Variants in ARHGEF4 observed in about 807,000 individuals in gnomAD.
ARHGEF4 encodes the protein Rho guanine nucleotide exchange factor 4.
A neutral mutation model predicts 162.0 loss-of-function variants in ARHGEF4; 119 were observed. The observed-to-expected ratio is 0.73, with a 90% CI of 0.63 to 0.86. The LOEUF (loss-of-function observed/expected upper bound fraction) is 0.86, where lower values mean the gene tolerates loss of function less well. Ranked by LOEUF, ARHGEF4 falls within the 40% of genes least tolerant of loss-of-function variation. The probability of loss-of-function intolerance (pLI) is 0.00; values close to 1 mark genes in which losing one functional copy is unlikely to be tolerated. For missense variants in ARHGEF4, 2,488 were observed against 2,456.0 expected (o/e 1.01, Z -0.28); for synonymous variants, 1,014 against 979.9 (o/e 1.03, Z -0.65).
chr2:130,956,515 G>T (rs1684281499), intron 4 of ARHGEF4, among the ~76,000 whole-genome samples: 1 of 150,852 alleles, frequency 6.6e-6, no homozygotes, highest in Admixed American at 6.6e-5. Flanking sequence ...AAAGACACAT[G>T]CACACGTATG....
intron 1 of ARHGEF4, among the ~76,000 whole-genome samples, chr2:130,872,559 C>T (rs935075696): frequency 6.6e-5 from 10 of 152,294 alleles, no homozygotes; most frequent in East Asian, 5.8e-4. Context: ...GTCCCGTCCC[C>T]GTGACCACTG....
chr2:130,989,687 CCTGT>C (rs1686810717), intron 4 of ARHGEF4, among the ~76,000 whole-genome samples: 1 of 152,168 alleles, frequency 6.6e-6, no homozygotes, highest in South Asian at 2.1e-4. Context: ...CTGGGATCAC[CCTGT>C]AGCCTCCCTT....
intron 4 of ARHGEF4, among the ~76,000 whole-genome samples, chr2:130,977,640 TGTTTTGC>T (rs1685838485): frequency 6.6e-6 from 1 of 151,998 alleles, no homozygotes; most frequent in Admixed American, 6.6e-5. Context: ...GTGTGTTTTG[TGTTTTGC>T]ATGTGTCGTG....
chr2:130,946,583 T>A lies in ARHGEF4; in HGVS notation c.3933T>A (p.Ser1311Arg). 1 of 1,613,986 alleles carries A rather than the reference T, an allele frequency of 6.2e-7. No homozygotes were observed. Among genetic ancestry groups the A allele is most frequent in the Non-Finnish European group, 8.5e-7 (1 of 1,179,950 alleles). ...LPRRSHPLSQSAPTGLNHMGW... is the reference protein window; with the variant it reads ...LPRRSHPLSQRAPTGLNHMGW... ...GAAGAAGCCATCCACTCTCCCAGAG[T>A]GCTCCAACGGGACTGAACCACATGG... The change falls in exon 4 of 14, where the codon AGT becomes AGA. Residue 1311 changes from serine (S) to arginine (R), a missense_variant. Ser to Arg is a moderately radical substitution (Grantham distance 110, BLOSUM62 -1). Coordinates refer to ENST00000409359, the MANE Select transcript of ARHGEF4 (RefSeq NM_001367493.1).
intron 3 of ARHGEF4, among the ~76,000 whole-genome samples, chr2:130,936,887 CTTTTTTTTTTCTTTTTTCTTTTTT>C (rs2105120880): frequency 7.4e-6 from 1 of 136,030 alleles, no homozygotes; most frequent in African/African-American, 2.8e-5. Context: ...CTCTTTCTTT[CTTTTTTTTTTCTTTTTTCTTTTTT>C]TTTTTTTTTT....
chr2:130,951,360 G>A (rs1471535495), intron 4 of ARHGEF4, among the ~76,000 whole-genome samples: 1 of 152,196 alleles, frequency 6.6e-6, no homozygotes, highest in Admixed American at 6.5e-5. Flanking sequence ...TAAAGTTAGA[G>A]ATATGTGACT....
At position 130,930,981 on chromosome 2, in the gene ARHGEF4, T is replaced by C. The variant is rs1558735302; in HGVS notation, c.3582T>C (p.Gly1194=). 1 of 1,610,180 alleles carries C rather than the reference T, an allele frequency of 6.2e-7. No homozygotes were observed. Residue 1194 remains glycine (G), a synonymous_variant, in exon 3 of 14, where the codon GGT becomes GGC. Coordinates refer to ENST00000409359, the MANE Select transcript of ARHGEF4 (RefSeq NM_001367493.1). ...ACATGCCCTGGGAAGAACCAGCAGG[T>C]GAGAAGCCCAGTTGCTCTCACAGTC... The part of the protein sequence containing the change: ...ENHMPWEEPA[G]EKPSCSHSQK...
intron 4 of ARHGEF4, among the ~76,000 whole-genome samples, chr2:131,010,805 T>A (rs541247126): frequency 1.3e-5 from 2 of 152,226 alleles, no homozygotes; most frequent in Non-Finnish European, 2.9e-5. Flanking sequence ...TACTTTGTTG[T>A]GCACTTGGGA....
At chr2:130,873,930 G>T (rs1461299684) in intron 1 of ARHGEF4, among the ~76,000 whole-genome samples, 1 of 152,098 alleles carries the variant, frequency 6.6e-6, no homozygotes, top group African/African-American at 2.4e-5. Flanking sequence ...GTTTTCCTGG[G>T]TTGATGAAAG....
chr2:130,975,692 A>G (rs1438474119), intron 4 of ARHGEF4, among the ~76,000 whole-genome samples: 1 of 152,216 alleles, frequency 6.6e-6, no homozygotes, highest in Non-Finnish European at 1.5e-5. Flanking sequence ...TAAAACTGGA[A>G]GAACTGTAAT....
chr2:130,909,361 G>C (rs377001045), intron 1 of ARHGEF4, among the ~76,000 whole-genome samples: 96 of 152,318 alleles, frequency 6.3e-4, no homozygotes, highest in African/African-American at 2.3e-3. Context: ...CCTGTCACAT[G>C]CAACAAAACA....
chr2:130,968,675 T>A (rs1285581285), intron 4 of ARHGEF4, among the ~76,000 whole-genome samples: 4 of 152,180 alleles, frequency 2.6e-5, no homozygotes, highest in Non-Finnish European at 5.9e-5. Flanking sequence ...ATCCAAGCAC[T>A]TTGGGAGGCC....
intron 4 of ARHGEF4, among the ~76,000 whole-genome samples, chr2:130,974,272 GA>G (rs751083208): frequency 2.9e-3 from 381 of 133,334 alleles, no homozygotes; most frequent in Middle Eastern, 0.02. Context: ...ATCTTGTCTG[GA>G]AAAAAAAAAA....
At chr2:130,905,001 C>T (rs1680731051) in intron 1 of ARHGEF4, among the ~76,000 whole-genome samples, 1 of 152,230 alleles carries the variant, frequency 6.6e-6, no homozygotes. Flanking sequence ...ATCGCTTGAA[C>T]ATCGGAGGCA....
intron 8 of ARHGEF4, 117 bp from the exon 9 acceptor site, chr2:131,041,103 GGGTCTCCCCT>G: frequency 1.3e-6 from 1 of 789,810 alleles, no homozygotes; most frequent in South Asian, 1.7e-5. Context: ...CACACAGCCT[GGGTCTCCCCT>G]AGCCCCCAGC....
chr2:131,045,518 C>G, intron 13 of ARHGEF4, 72 bp downstream of exon 13: 4 of 1,613,202 alleles, frequency 2.5e-6, no homozygotes, highest in Non-Finnish European at 3.4e-6. Flanking sequence ...CTTCTCTGAA[C>G]CACAAAGCCA....
At chr2:131,002,055 A>G (rs1010738927) in intron 4 of ARHGEF4, among the ~76,000 whole-genome samples, 1 of 152,068 alleles carries the variant, frequency 6.6e-6, no homozygotes, top group Non-Finnish European at 1.5e-5. Flanking sequence ...ACTTTTTTGT[A>G]TGTTTAGTTT....
chr2:130,895,415 G>T (rs1351243721), intron 1 of ARHGEF4, among the ~76,000 whole-genome samples: 1 of 152,174 alleles, frequency 6.6e-6, no homozygotes, highest in Non-Finnish European at 1.5e-5. Context: ...GTGAACATAG[G>T]TTTCACTTTT....
At chr2:130,950,797 T>C (rs556170232) in intron 4 of ARHGEF4, among the ~76,000 whole-genome samples, 1 of 151,778 alleles carries the variant, frequency 6.6e-6, no homozygotes, top group Non-Finnish European at 1.5e-5. Context: ...TGTGACTGGC[T>C]TCTCTCACTT....
Sources: gnomAD v4.1 joint callset for allele counts (sites outside exome capture counted in the v4.1 genomes callset) on GRCh38, gnomAD v4.1.1 for gene constraint, MANE v1.5 for transcripts, NCBI Gene and HGNC (gene_info 2026-07-23, HGNC 2026-07-21) for gene names.